Variants in EXOC4 observed in about 807,000 individuals in gnomAD.
EXOC4 encodes the protein exocyst complex component 4.
EXOC4 carries 71 observed loss-of-function variants against 107.2 expected under a neutral mutation model. The ratio of observed to expected loss-of-function variants is 0.66; its 90% CI spans 0.55 to 0.81. EXOC4 has a LOEUF of 0.81. EXOC4 is among the 30% of genes least tolerant of loss of function. The probability of loss-of-function intolerance (pLI) is 0.00; values close to 1 mark genes in which losing one functional copy is unlikely to be tolerated. For synonymous variants in EXOC4, 456 were observed against 441.2 expected (o/e 1.03, Z -0.42); for missense variants, 1,108 against 1,189.6 (o/e 0.93, Z 1.01).
chr7:133,465,980 A>T (rs183496182), intron 7 of EXOC4, among the ~76,000 whole-genome samples: 1 of 152,172 alleles, frequency 6.6e-6, no homozygotes, highest in East Asian at 1.9e-4. Flanking sequence ...TACTAAAAAT[A>T]CAAAAAATTA....
At chr7:133,610,320 A>G (rs188149323) in intron 9 of EXOC4, among the ~76,000 whole-genome samples, 73 of 152,328 alleles carry the variant, frequency 4.8e-4, no homozygotes, top group Non-Finnish European at 8.2e-4. Flanking sequence ...TGAGACCACA[A>G]CAAGTGGACT....
At chr7:134,100,266 C>CCAG in the EXOC4 span, among the ~76,000 whole-genome samples, 6 of 133,432 alleles carry the variant, frequency 4.5e-5, no homozygotes, top group Admixed American at 8.2e-5. Context: ...GCCTAGGAAC[C>CCAG]ATTAGAAGCC....
intron 9 of EXOC4, among the ~76,000 whole-genome samples, chr7:133,548,074 C>T (rs114416499): frequency 0.013 from 1,944 of 152,048 alleles, 32 homozygotes; most frequent in African/African-American, 0.044. Context: ...CCTTGATGCA[C>T]GGGCTGTAGA....
At chr7:133,470,649 C>T (rs1384971783) in intron 7 of EXOC4, among the ~76,000 whole-genome samples, 2 of 152,092 alleles carry the variant, frequency 1.3e-5, no homozygotes, top group Non-Finnish European at 2.9e-5. Flanking sequence ...ACACACCCAT[C>T]AATTTTGACT....
At chr7:133,558,520 C>T (rs1800746747) in intron 9 of EXOC4, among the ~76,000 whole-genome samples, 1 of 152,036 alleles carries the variant, frequency 6.6e-6, no homozygotes, top group South Asian at 2.1e-4. Flanking sequence ...TAAACATTGA[C>T]TAATTTAATG....
At chr7:133,889,139 G>A (rs1361264857) in intron 11 of EXOC4, among the ~76,000 whole-genome samples, 1 of 152,068 alleles carries the variant, frequency 6.6e-6, no homozygotes, top group Non-Finnish European at 1.5e-5. Flanking sequence ...TCTTTGTGCT[G>A]CCTGTCATAG....
chr7:133,606,517 A>ATTTTTTT (rs56086076), intron 9 of EXOC4, among the ~76,000 whole-genome samples: 1 of 136,920 alleles, frequency 7.3e-6, no homozygotes, highest in African/African-American at 3.0e-5. Flanking sequence ...TATTATTATT[A>ATTTTTTT]TTTTTTTTTT....
At chr7:133,480,288 A>G (rs994805894) in intron 9 of EXOC4, 150 bp downstream of exon 9, 7 of 1,467,648 alleles carry the variant, frequency 4.8e-6, no homozygotes, top group African/African-American at 2.8e-5. Context: ...ATTTCCCAGC[A>G]TCTGCTGCCA....
chr7:133,373,184 G>A (rs909074525), intron 6 of EXOC4, among the ~76,000 whole-genome samples: 1 of 152,126 alleles, frequency 6.6e-6, no homozygotes, highest in Non-Finnish European at 1.5e-5. Flanking sequence ...CACATTAAGT[G>A]TTTCAGTTGG....
intron 17 of EXOC4, among the ~76,000 whole-genome samples, chr7:134,041,524 T>G (rs1346403230): frequency 2.0e-5 from 3 of 152,196 alleles, no homozygotes; most frequent in African/African-American, 7.2e-5. Flanking sequence ...GAATTTAATT[T>G]TTTATATAAA....
At chr7:133,682,050 A>G (rs1451898028) in intron 10 of EXOC4, among the ~76,000 whole-genome samples, 1 of 152,016 alleles carries the variant, frequency 6.6e-6, no homozygotes, top group African/African-American at 2.4e-5. Flanking sequence ...ACAGGCACGT[A>G]TAACCATGCC....
intron 9 of EXOC4, among the ~76,000 whole-genome samples, chr7:133,613,214 T>C (rs1802113029): frequency 6.6e-6 from 1 of 152,162 alleles, no homozygotes; most frequent in Admixed American, 6.5e-5. Context: ...TTTACACAAA[T>C]GCAGACCATA....
intron 9 of EXOC4, among the ~76,000 whole-genome samples, chr7:133,487,753 GTT>G (rs1208330981): frequency 1.3e-5 from 2 of 152,034 alleles, no homozygotes; most frequent in African/African-American, 4.8e-5. Context: ...TGTGTAAAAA[GTT>G]TTTGTTTTCA....
chr7:133,498,443 G>T (rs936334852), intron 9 of EXOC4, among the ~76,000 whole-genome samples: 1 of 152,134 alleles, frequency 6.6e-6, no homozygotes, highest in Non-Finnish European at 1.5e-5. Flanking sequence ...AAGTTAGCTG[G>T]GTGTGGTGGC....
At chr7:134,092,204 C>T in the EXOC4 span, among the ~76,000 whole-genome samples, 1 of 151,956 alleles carries the variant, frequency 6.6e-6, no homozygotes, top group Non-Finnish European at 1.5e-5. Flanking sequence ...GCCTCCAGAA[C>T]CTTCTGAATA....
rs1185927905 is a variant in EXOC4, at chr7:133,342,660, A to AATTTTAGGGTTAGGGTT, written c.764-13662_764-13661insGTTAGGGTTATTTTAGG. The stretch of plus-strand genomic sequence containing the variant: ...TTCTTCTTCCTCAGGAACACCAATT[A>AATTTTAGGGTTAGGGTT]ATTTTAGGTTTGGTTGTTTAACGTA... On this transcript the variant is annotated intron_variant, in intron 5 of 17. Transcript: ENST00000253861. Among the ~76,000 whole-genome samples the AATTTTAGGGTTAGGGTT allele has an allele frequency of 9.9e-3, 1,503 of 152,056 alleles. 20 individuals are homozygous for AATTTTAGGGTTAGGGTT. The highest frequency in any genetic ancestry group is 0.035 in the African/African-American group (1,447 of 41,468).
intron 17 of EXOC4, among the ~76,000 whole-genome samples, chr7:134,022,617 T>C (rs1280112463): frequency 6.6e-6 from 1 of 152,222 alleles, no homozygotes; most frequent in Non-Finnish European, 1.5e-5. Context: ...CCTGGGGTTC[T>C]TGCCTTCCAG....
chr7:133,502,433 C>T (rs1459528605), intron 9 of EXOC4, among the ~76,000 whole-genome samples: 1 of 152,098 alleles, frequency 6.6e-6, no homozygotes. Context: ...TATTCAGTGG[C>T]TGAACAAATA....
At chr7:133,482,362 A>G (rs906623291) in intron 9 of EXOC4, among the ~76,000 whole-genome samples, 3 of 152,198 alleles carry the variant, frequency 2.0e-5, no homozygotes, top group East Asian at 1.9e-4. Context: ...GCATGTCCCT[A>G]TGGTTACATA....
Sources: allele counts gnomAD v4.1 joint callset (sites outside exome capture counted in the v4.1 genomes callset), GRCh38; gene constraint gnomAD v4.1.1; transcripts MANE v1.5; gene names NCBI Gene and HGNC (gene_info 2026-07-23, HGNC 2026-07-21).